The following TTC7B variants were observed in gnomAD, a reference collection of about 807,000 sequenced individuals.
The protein encoded by TTC7B is tetratricopeptide repeat domain 7B.
In TTC7B, 28 loss-of-function variants were observed where a neutral mutation model predicts 106.8. The observed-to-expected ratio is 0.26, with a 90% CI of 0.19 to 0.36. The LOEUF (loss-of-function observed/expected upper bound fraction) is 0.36. TTC7B is among the 10% of genes least tolerant of loss of function. The pLI is 1.00. For missense variants in TTC7B, 862 were observed against 1,076.4 expected (o/e 0.80, Z 2.79); for synonymous variants, 405 against 430.6 (o/e 0.94, Z 0.74).
intron 17 of TTC7B, among the ~76,000 whole-genome samples, chr14:90,596,406 T>C: frequency 6.6e-6 from 1 of 152,248 alleles, no homozygotes. Flanking sequence ...TATTTTACTA[T>C]GAATAAGGTC....
At chr14:90,698,126 C>G (rs1887835727) in intron 5 of TTC7B, 1 of 152,198 alleles carries the variant, frequency 6.6e-6, no homozygotes, top group South Asian at 2.1e-4. Context: ...AAGCATGATT[C>G]CCAGGAAATC....
chr14:90,740,329 GA>G (rs1290143062), intron 4 of TTC7B, among the ~76,000 whole-genome samples: 9 of 151,966 alleles, frequency 5.9e-5, no homozygotes, highest in African/African-American at 2.2e-4. Flanking sequence ...CACCGCCCCG[GA>G]AGCACACAGA....
intron 3 of TTC7B, among the ~76,000 whole-genome samples, chr14:90,750,793 T>C (rs184023493): frequency 9.1e-4 from 138 of 152,374 alleles, no homozygotes; most frequent in Middle Eastern, 3.4e-3. Context: ...TTATTCCATG[T>C]ACACATTTAT....
intron 4 of TTC7B, among the ~76,000 whole-genome samples, chr14:90,734,587 C>A (rs958550709): frequency 6.6e-6 from 1 of 152,024 alleles, no homozygotes; most frequent in African/African-American, 2.4e-5. Flanking sequence ...TTGCCATCCT[C>A]GACACTGCTA....
intron 15 of TTC7B, among the ~76,000 whole-genome samples, chr14:90,643,108 A>G (rs1211029944): frequency 6.6e-6 from 1 of 152,198 alleles, no homozygotes; most frequent in Non-Finnish European, 1.5e-5. Flanking sequence ...TCTAATGTAC[A>G]TTTAAGAATG....
chr14:90,617,796 T>A, intron 16 of TTC7B, 133 bp downstream of exon 16: 1 of 690,570 alleles, frequency 1.4e-6, no homozygotes, highest in East Asian at 2.6e-5. Flanking sequence ...ACTGCTATCA[T>A]CTGCCACTTG....
intron 8 of TTC7B, among the ~76,000 whole-genome samples, chr14:90,677,151 A>G (rs963730251): frequency 6.6e-6 from 1 of 152,238 alleles, no homozygotes; most frequent in Non-Finnish European, 1.5e-5. Context: ...CTACAGAGAT[A>G]TATCTTACTT....
intron 5 of TTC7B, among the ~76,000 whole-genome samples, chr14:90,702,525 T>G (rs1003734278): frequency 6.6e-6 from 1 of 152,114 alleles, no homozygotes; most frequent in African/African-American, 2.4e-5. Context: ...ACTCTATCAT[T>G]GTTTTAAAAA....
intron 5 of TTC7B, among the ~76,000 whole-genome samples, chr14:90,712,072 T>C (rs1249121114): frequency 6.6e-6 from 1 of 152,148 alleles, no homozygotes; most frequent in Non-Finnish European, 1.5e-5. Context: ...ATATATTATG[T>C]AAACAGTAAC....
At chr14:90,749,758 T>A (rs150270407) in intron 3 of TTC7B, among the ~76,000 whole-genome samples, 80 of 152,376 alleles carry the variant, frequency 5.3e-4, no homozygotes, top group African/African-American at 1.9e-3. Flanking sequence ...TGCTATGTCT[T>A]CAAGTTCACT....
intron 15 of TTC7B, among the ~76,000 whole-genome samples, chr14:90,620,847 A>ACAGCTTT (rs1884131973): frequency 6.6e-6 from 1 of 152,254 alleles, no homozygotes. Flanking sequence ...ACATAAAATA[A>ACAGCTTT]CAGCTTTCAA....
chr14:90,575,831 A>G lies in TTC7B; in HGVS notation c.2310+2275T>C, dbSNP rs934437904. ...TGCCTCCAATCTGGATGGTTTTTCA[A>G]TATCTCAGGATCCACGGAGAGAGGT... is the stretch of plus-strand genomic sequence containing the variant. On this transcript the variant is annotated intron_variant, in intron 19 of 19. Transcript: ENST00000328459. This position sits in a 1 kb window ranked among gnomAD's most constrained non-coding sequence, Gnocchi z 5.2. Among the ~76,000 whole-genome samples the G allele has an allele frequency of 1.3e-5, 2 of 152,164 alleles. No individual in the cohort carries two copies. Among genetic ancestry groups the G allele is most frequent in the African/African-American group, 4.8e-5 (2 of 41,430 alleles).
chr14:90,707,283 TG>T (rs1336700881), intron 5 of TTC7B, among the ~76,000 whole-genome samples: 1 of 152,178 alleles, frequency 6.6e-6, no homozygotes, highest in African/African-American at 2.4e-5. Flanking sequence ...GATCAATAAA[TG>T]TTGTATATGT....
intron 15 of TTC7B, among the ~76,000 whole-genome samples, chr14:90,638,066 C>A (rs1230702222): frequency 1.4e-5 from 2 of 146,198 alleles, no homozygotes; most frequent in Non-Finnish European, 3.0e-5. Context: ...TTTTTTTTAT[C>A]TAGAGATGGG....
chr14:90,609,515 C>T (rs1892792897), intron 17 of TTC7B, among the ~76,000 whole-genome samples: 1 of 152,170 alleles, frequency 6.6e-6, no homozygotes, highest in Non-Finnish European at 1.5e-5. Flanking sequence ...ATAGGTTTTT[C>T]CCAGGACAAG....
intron 4 of TTC7B, 141 bp downstream of exon 4, chr14:90,744,651 C>T: frequency 1.1e-6 from 1 of 887,996 alleles, no homozygotes; most frequent in Non-Finnish European, 1.7e-6. Context: ...CTACCACACT[C>T]TCCTTAGCTT....
At chr14:90,709,004 T>C (rs1160041693) in intron 5 of TTC7B, among the ~76,000 whole-genome samples, 2 of 151,242 alleles carry the variant, frequency 1.3e-5, no homozygotes, top group African/African-American at 4.9e-5. Flanking sequence ...TCACACCAGT[T>C]AGAATGGCGA....
intron 19 of TTC7B, among the ~76,000 whole-genome samples, chr14:90,565,588 G>A (rs930243308): frequency 3.3e-5 from 5 of 151,982 alleles, no homozygotes; most frequent in African/African-American, 1.2e-4. Context: ...TTTTAGTAGA[G>A]ATGGGGTTTC....
At chr14:90,746,267 GTCAT>G (rs1380162750) in intron 3 of TTC7B, among the ~76,000 whole-genome samples, 1 of 152,006 alleles carries the variant, frequency 6.6e-6, no homozygotes, top group Admixed American at 6.6e-5. Flanking sequence ...TCGATATAGG[GTCAT>G]TCAGATTGTC....
Sources: allele counts gnomAD v4.1 joint callset (sites outside exome capture counted in the v4.1 genomes callset), GRCh38; gene constraint gnomAD v4.1.1; non-coding constraint Gnocchi (gnomAD v3.1); transcripts MANE v1.5; gene names NCBI Gene and HGNC (gene_info 2026-07-23, HGNC 2026-07-21).